Variants in SEPTIN2 observed in about 807,000 individuals in gnomAD.
SEPTIN2 encodes the protein septin 2.
SEPTIN2 carries 34 observed loss-of-function variants against 46.5 expected under a neutral mutation model. The ratio of observed to expected loss-of-function variants is 0.73; its 90% CI spans 0.56 to 0.97. The LOEUF is 0.97. SEPTIN2 is among the 50% of genes least tolerant of loss of function. The pLI, the probability that SEPTIN2 is intolerant of heterozygous loss-of-function variation, is 0.00. For missense variants in SEPTIN2, 347 were observed against 448.4 expected (o/e 0.77, Z 2.04); for synonymous variants, 175 against 153.4 (o/e 1.14, Z -1.04).
chr2:241,335,362 T>C (rs952126657), intron 4 of SEPTIN2, 150 bp downstream of exon 4: 7 of 1,552,352 alleles, frequency 4.5e-6, no homozygotes, highest in Admixed American at 3.9e-5. Flanking sequence ...GTAGGTGTGC[T>C]GCACCGAGGT....
chr2:241,337,811 G>T (rs1680314464), intron 7 of SEPTIN2, 21 bp downstream of exon 7: 3 of 1,558,236 alleles, frequency 1.9e-6, no homozygotes, highest in African/African-American at 2.7e-5. Flanking sequence ...CTGGCGTCCT[G>T]CCCTCCCTCT....
intron 7 of SEPTIN2, among the ~76,000 whole-genome samples, chr2:241,339,404 C>T (rs1263400129): frequency 6.6e-6 from 1 of 151,804 alleles, no homozygotes; most frequent in Non-Finnish European, 1.5e-5. Context: ...CTGTAATTAC[C>T]CACAGAAAGA....
chr2:241,316,674 A>C (rs1426997975), intron 1 of SEPTIN2: 1 of 615,372 alleles, frequency 1.6e-6, no homozygotes, highest in Non-Finnish European at 2.6e-6. Flanking sequence ...GACCTGGCCT[A>C]CTGGCCCAGA....
chr2:241,322,910 C>T (rs1446006559), intron 1 of SEPTIN2, among the ~76,000 whole-genome samples: 1 of 152,026 alleles, frequency 6.6e-6, no homozygotes, highest in Non-Finnish European at 1.5e-5. Context: ...GTGTGTATCC[C>T]ATTTGTGTCC....
intron 11 of SEPTIN2, among the ~76,000 whole-genome samples, chr2:241,349,421 T>C (rs2060581118): frequency 1.3e-5 from 2 of 151,714 alleles, no homozygotes; most frequent in South Asian, 4.2e-4. Context: ...TATATTATTT[T>C]TATTGTGAGG....
chr2:241,332,426 C>G (rs1185184539), intron 3 of SEPTIN2, among the ~76,000 whole-genome samples: 2 of 152,118 alleles, frequency 1.3e-5, no homozygotes, highest in African/African-American at 2.4e-5. Flanking sequence ...TAAAGGTGTC[C>G]ACATCTTTGG....
intron 12 of SEPTIN2, among the ~76,000 whole-genome samples, chr2:241,350,408 T>C (rs2060677866): frequency 6.6e-6 from 1 of 152,212 alleles, no homozygotes; most frequent in Non-Finnish European, 1.5e-5. Context: ...TTTCATATTT[T>C]TGTCTCTTCT....
intron 8 of SEPTIN2, 98 bp downstream of exon 8, chr2:241,343,191 G>C: frequency 1.4e-6 from 1 of 734,732 alleles, no homozygotes; most frequent in Admixed American, 2.4e-5. Context: ...AGTTACGAGA[G>C]TATTTTTGCT....
At chr2:241,324,066 T>G (rs1299576430) in intron 1 of SEPTIN2, 150 bp from the exon 2 acceptor site, 1 of 651,636 alleles carries the variant, frequency 1.5e-6, no homozygotes, top group South Asian at 2.0e-5. Context: ...CCTAATGCAT[T>G]TGGAAGGTCC....
intron 3 of SEPTIN2, among the ~76,000 whole-genome samples, 155 bp downstream of exon 3, chr2:241,326,268 A>G (rs2149908276): frequency 6.6e-6 from 1 of 152,164 alleles, no homozygotes; most frequent in South Asian, 2.1e-4. Flanking sequence ...TCATTAGAAA[A>G]TTTTTCTCAG....
chr2:241,325,732 A>G (rs2077850460), intron 2 of SEPTIN2, among the ~76,000 whole-genome samples: 1 of 152,206 alleles, frequency 6.6e-6, no homozygotes, highest in Admixed American at 6.5e-5. Context: ...TTAAATTCCT[A>G]AACAGAATAC....
intron 7 of SEPTIN2, among the ~76,000 whole-genome samples, chr2:241,338,831 T>TACATATTATATTTATATTATTTATATA (rs2080700866): frequency 2.0e-5 from 2 of 99,316 alleles, no homozygotes; most frequent in East Asian, 4.7e-4. Context: ...TTATATATAA[T>TACATATTATATTTATATTATTTATATA]ATATATAATA....
intron 7 of SEPTIN2, among the ~76,000 whole-genome samples, chr2:241,341,550 T>C (rs2081261392): frequency 6.6e-6 from 1 of 152,170 alleles, no homozygotes; most frequent in Admixed American, 6.5e-5. Flanking sequence ...TTCTTATTGC[T>C]CAGTTTCTCC....
chr2:241,343,648 G>T, intron 8 of SEPTIN2, 104 bp from the exon 9 acceptor site: 1 of 1,284,586 alleles, frequency 7.8e-7, no homozygotes, highest in East Asian at 2.4e-5. Context: ...ATTCAGTTTT[G>T]TAGTCAACAG....
intron 10 of SEPTIN2, among the ~76,000 whole-genome samples, chr2:241,347,201 G>A (rs575572701): frequency 1.8e-4 from 27 of 152,104 alleles, no homozygotes; most frequent in South Asian, 4.2e-4. Flanking sequence ...AGCTATGGTC[G>A]CACCACCACG....
chr2:241,328,637 G>T (rs996436761), intron 3 of SEPTIN2, among the ~76,000 whole-genome samples: 3 of 152,156 alleles, frequency 2.0e-5, no homozygotes, highest in African/African-American at 7.2e-5. Context: ...AGCTACTCGG[G>T]AGGCTGAGGC....
At chr2:241,315,665 C>G (rs1250106434), upstream of SEPTIN2, 3 of 152,494 alleles carry the variant, frequency 2.0e-5, no homozygotes, top group Admixed American at 2.0e-4. Context: ...GGAGAAGAGG[C>G]TACGCTTGAC....
intron 3 of SEPTIN2, among the ~76,000 whole-genome samples, chr2:241,334,568 A>G (rs1007128286): frequency 6.6e-6 from 1 of 152,126 alleles, no homozygotes; most frequent in Admixed American, 6.6e-5. Flanking sequence ...GGAAACGGGG[A>G]TGGATTTAAA....
chr2:241,332,797 C>T (rs921337453), intron 3 of SEPTIN2, among the ~76,000 whole-genome samples: 2 of 152,184 alleles, frequency 1.3e-5, no homozygotes, highest in African/African-American at 4.8e-5. Flanking sequence ...TACAAAGAAA[C>T]GAACTACTCG....
Sources: allele counts gnomAD v4.1 joint callset (sites outside exome capture counted in the v4.1 genomes callset), GRCh38; gene constraint gnomAD v4.1.1; transcripts MANE v1.5; gene names NCBI Gene and HGNC (gene_info 2026-07-23, HGNC 2026-07-21).